Variants in GK5 observed in about 807,000 individuals in gnomAD.
GK5 encodes ATP:glycerol 3-phosphotransferase 5.
GK5 carries 39 observed loss-of-function variants against 77.3 expected under a neutral mutation model. The observed-to-expected ratio is 0.50, with a 90% CI of 0.39 to 0.66. The LOEUF (loss-of-function observed/expected upper bound fraction) is 0.66. GK5 is among the 30% of genes least tolerant of loss of function. GK5 has a pLI of 0.00. For synonymous variants in GK5, 211 were observed against 208.0 expected (o/e 1.01, Z -0.13); for missense variants, 487 against 633.8 (o/e 0.77, Z 2.49).
At chr3:142,198,740 A>G (rs922002004) in intron 5 of GK5, 62 bp downstream of exon 5, 9 of 1,386,316 alleles carry the variant, frequency 6.5e-6, no homozygotes, top group South Asian at 6.2e-5. Context: ...TTTCTTCCCC[A>G]TAGTCTTTAT....
intron 4 of GK5, among the ~76,000 whole-genome samples, chr3:142,202,683 A>T (rs949907322): frequency 1.2e-4 from 18 of 152,208 alleles, no homozygotes; most frequent in African/African-American, 3.4e-4. Context: ...AGGCTTAGGC[A>T]TGGTGGTTCA....
rs200802153 is a variant in GK5 at position 142,215,660 on chromosome 3, T to C, written c.180A>G (p.Val60=). The change falls in exon 2 of 16, where the codon GTA becomes GTG. Residue 60 remains valine (V), a synonymous_variant. Coordinates refer to ENST00000392993, the MANE Select transcript of GK5 (RefSeq NM_001039547.3). ...TCCAAAGAACATCAGGATCAATTTC[T>C]ACCCAGCCAATTTGAGGATAAAGAT... is the stretch of plus-strand genomic sequence containing the variant. ...VENLYPQIGW[V]EIDPDVLWIQ... 2.3e-4 allele frequency: 370 copies of C among 1,596,792 alleles called. 3 individuals are homozygous for C. The South Asian group carries it at 3.8e-3, about 16-fold the overall frequency.
At chr3:142,208,459 A>G (rs2064142904) in intron 3 of GK5, among the ~76,000 whole-genome samples, 1 of 152,140 alleles carries the variant, frequency 6.6e-6, no homozygotes, top group African/African-American at 2.4e-5. Context: ...TTTGGGATTC[A>G]TTTTTGTATA....
chr3:142,219,629 G>T (rs934436111), intron 1 of GK5, among the ~76,000 whole-genome samples: 1 of 152,156 alleles, frequency 6.6e-6, no homozygotes. Context: ...TTCTACACAT[G>T]TCCTAAAGTT....
At chr3:142,195,358 A>C (rs1424897892) in intron 5 of GK5, among the ~76,000 whole-genome samples, 3 of 152,014 alleles carry the variant, frequency 2.0e-5, no homozygotes, top group African/African-American at 4.8e-5. Flanking sequence ...GTTTCTTTCC[A>C]GAGACAGGGT....
intron 1 of GK5, among the ~76,000 whole-genome samples, chr3:142,221,960 T>C (rs927258432): frequency 1.3e-5 from 2 of 152,212 alleles, no homozygotes; most frequent in Non-Finnish European, 2.9e-5. Flanking sequence ...TTTTTCTTTT[T>C]TAAAAATTTC....
Position 142,204,095 on chromosome 3 carries a change from T to G in GK5, c.411+600A>C, listed in dbSNP as rs139183525. ...TGCCCTGGAGTGCAGTGGCAATCAC[T>G]GCAGCCTTGAACTCCTGGGCTCAAA... On this transcript the variant is annotated intron_variant, in intron 4 of 15. Coordinates refer to ENST00000392993, the MANE Select transcript of GK5 (RefSeq NM_001039547.3). 8.1e-3 allele frequency: 1,302 copies of G among 161,312 alleles called. 9 individuals carry two copies. The highest frequency in any genetic ancestry group is 0.018 in the South Asian group (100 of 5,520). 10.0% of individuals were successfully genotyped at this position (161,312 alleles called of 1,614,324 possible).
rs1270615059 is a variant in GK5, at chr3:142,186,432, G to T, written c.681+20C>A. On this transcript the variant is annotated intron_variant, in intron 7 of 15. Transcript: ENST00000392993. Reference sequence around the variant, plus strand: ...TACACAAAAATGTGTGATTCAAAAAGAAGAAAAAAAAATTTTTACCTTATA... The same window carrying T: ...TACACAAAAATGTGTGATTCAAAAATAAGAAAAAAAAATTTTTACCTTATA... The T allele has an allele frequency of 7.1e-7, 1 of 1,414,550 alleles. No individual in the cohort carries two copies. The highest frequency in any genetic ancestry group is 9.6e-7 in the Non-Finnish European group (1 of 1,043,426). The allele number at this position is 1,414,550 out of a possible 1,614,324, so 87.6% of individuals were successfully genotyped here.
At chr3:142,188,033 GTTAGTTACTT>G (rs1373698615) in intron 5 of GK5, among the ~76,000 whole-genome samples, 2 of 151,814 alleles carry the variant, frequency 1.3e-5, no homozygotes, top group Non-Finnish European at 2.9e-5. Context: ...CCAAGCATGC[GTTAGTTACTT>G]TTGTGTTTTT....
chr3:142,186,148 T>A (rs2063766617), intron 8 of GK5, 46 bp downstream of exon 8: 9 of 1,287,030 alleles, frequency 7.0e-6, no homozygotes, highest in Admixed American at 1.7e-5. Flanking sequence ...ACAAAATGAA[T>A]TCAAGAACCA....
intron 5 of GK5, among the ~76,000 whole-genome samples, chr3:142,195,507 C>T (rs140987219): frequency 1.3e-5 from 2 of 152,060 alleles, no homozygotes; most frequent in Admixed American, 1.3e-4. Flanking sequence ...CTATACCCAG[C>T]TAATTTTTTA....
intron 3 of GK5, among the ~76,000 whole-genome samples, chr3:142,210,056 T>C (rs945359617): frequency 1.3e-4 from 19 of 151,670 alleles, no homozygotes; most frequent in African/African-American, 4.6e-4. Flanking sequence ...TTTGAATATA[T>C]TGGAAAAAAA....
At chr3:142,185,218 C>T (rs1443869711) in intron 9 of GK5, 3 of 585,202 alleles carry the variant, frequency 5.1e-6, no homozygotes, top group Non-Finnish European at 6.4e-6. Flanking sequence ...TCGAGATCAG[C>T]CAGGGGAACA....
At chr3:142,170,266 T>G in intron 15 of GK5, 59 bp downstream of exon 15, 1 of 1,562,746 alleles carries the variant, frequency 6.4e-7, no homozygotes, top group East Asian at 2.2e-5. Context: ...AGAGGAGAAA[T>G]GCTATCTGTA....
chr3:142,170,296 A>T (rs1310330734), intron 15 of GK5, 29 bp downstream of exon 15: 1 of 1,610,416 alleles, frequency 6.2e-7, no homozygotes, highest in East Asian at 2.2e-5. Context: ...TTGCAAGAAA[A>T]CTCTCATTCT....
At chr3:142,212,377 T>C (rs2064198526) in intron 3 of GK5, among the ~76,000 whole-genome samples, 1 of 151,584 alleles carries the variant, frequency 6.6e-6, no homozygotes, top group Admixed American at 6.6e-5. Context: ...CTACAAAAAA[T>C]ACAAAAAAAT....
chr3:142,159,497 T>G lies in GK5; in HGVS notation c.*6125A>C, dbSNP rs535721561. On this transcript the variant is annotated 3_prime_UTR_variant, in exon 16 of 16. Coordinates refer to ENST00000392993, the MANE Select transcript of GK5 (RefSeq NM_001039547.3). ...ATCTGATTTTGCAAGCACCTGTTTC[T>G]GTCCTTCCCACTCCAAGATCATTCC... 8 of 152,294 alleles carry G rather than the reference T, an allele frequency of 5.3e-5. No individual in the cohort carries two copies. The East Asian group carries it at 1.4e-3, about 26-fold the overall frequency. 9.4% of individuals were successfully genotyped at this position (152,294 alleles called of 1,614,324 possible).
chr3:142,184,800 C>T (rs887117889), intron 9 of GK5: 5 of 930,178 alleles, frequency 5.4e-6, no homozygotes, highest in Non-Finnish European at 6.4e-6. Flanking sequence ...TGAGATCATG[C>T]CATTGCACTC....
At chr3:142,194,567 CT>C (rs1320019132) in intron 5 of GK5, among the ~76,000 whole-genome samples, 1 of 151,738 alleles carries the variant, frequency 6.6e-6, no homozygotes, top group Non-Finnish European at 1.5e-5. Context: ...TGGTGTGCGC[CT>C]GTAGTCCCAG....
Sources: gnomAD v4.1 joint callset for allele counts (sites outside exome capture counted in the v4.1 genomes callset) on GRCh38, gnomAD v4.1.1 for gene constraint, MANE v1.5 for transcripts, NCBI Gene and HGNC (gene_info 2026-07-23, HGNC 2026-07-21) for gene names.